The following LRRC9 variants were observed in gnomAD, a reference collection of about 807,000 sequenced individuals.
The protein encoded by LRRC9 is leucine-rich repeat-containing protein 9.
LRRC9 carries 122 observed loss-of-function variants against 63.2 expected under a neutral mutation model. The ratio of observed to expected loss-of-function variants is 1.93; its 90% CI spans 1.67 to 2.24. The LOEUF is 2.24. Ranked by LOEUF, LRRC9 falls within the 30% of genes most tolerant of loss-of-function variation. The pLI, the probability that LRRC9 is intolerant of heterozygous loss-of-function variation, is 0.00. For missense variants in LRRC9, 1,071 were observed against 627.7 expected, an observed-to-expected ratio of 1.71 and a Z score of -7.55; for synonymous variants, 366 against 213.1, an observed-to-expected ratio of 1.72 and a Z score of -6.25.
chr14:59,922,278 G>C lies in LRRC9; in HGVS notation c.-34+2395G>C, dbSNP rs76012637. ...GAATCAAAACATGTCCGCTGTCTTTGGCCATTAGAAGGTTATTTTTGACCT... is the reference window on the plus strand; with the variant it reads ...GAATCAAAACATGTCCGCTGTCTTTCGCCATTAGAAGGTTATTTTTGACCT... On this transcript the variant is annotated intron_variant, in intron 1 of 31. Transcript: ENST00000445360. This position sits in a 1 kb window ranked among gnomAD's most constrained non-coding sequence, Gnocchi z 5.3. Among the ~76,000 whole-genome samples the C allele has an allele frequency of 3.4e-3, 512 of 152,228 alleles. 19 individuals are homozygous for C. The East Asian group carries it at 0.058, about 17-fold the overall frequency.
At chr14:60,000,786 T>C (rs956481598) in intron 19 of LRRC9, among the ~76,000 whole-genome samples, 2 of 152,074 alleles carry the variant, frequency 1.3e-5, no homozygotes, top group African/African-American at 2.4e-5. Flanking sequence ...AATTAATATA[T>C]CTTTTTTCAA....
chr14:60,009,776 A>G (rs920374962), intron 23 of LRRC9, among the ~76,000 whole-genome samples: 1 of 152,238 alleles, frequency 6.6e-6, no homozygotes, highest in Non-Finnish European at 1.5e-5. Context: ...ATGGGGGTAC[A>G]GGCATTGGGT....
At chr14:60,036,365 A>G (rs768848495) in intron 29 of LRRC9, among the ~76,000 whole-genome samples, 3 of 152,184 alleles carry the variant, frequency 2.0e-5, no homozygotes, top group Non-Finnish European at 4.4e-5. Flanking sequence ...AGGATCATGC[A>G]TTGCTAAGAG....
At chr14:59,921,857 G>A (rs896121613) in intron 1 of LRRC9, among the ~76,000 whole-genome samples, 4 of 151,856 alleles carry the variant, frequency 2.6e-5, no homozygotes, top group East Asian at 1.9e-4. Flanking sequence ...AAGCCGAGGC[G>A]GGTGGATCAC....
In LRRC9 at chr14:60,042,228, T is replaced by C. The variant is rs1893013465; in HGVS notation, c.3990+10165T>C. On this transcript the variant is annotated intron_variant, in intron 29 of 31. Transcript: ENST00000445360. The surrounding 1 kb of genome is among the most constrained non-coding windows in gnomAD (Gnocchi z 4.2). ...CCACTTGAGGAGGCAGTCTGTCCGT[T>C]CTCAGATCTCAAACTCCATGCTGGG... Among the ~76,000 whole-genome samples, 1 of 152,186 alleles carries C rather than the reference T, an allele frequency of 6.6e-6. No individual in the cohort carries two copies. Among genetic ancestry groups the C allele is most frequent in the Non-Finnish European group, 1.5e-5 (1 of 68,026 alleles).
intron 7 of LRRC9, among the ~76,000 whole-genome samples, chr14:59,941,154 A>C (rs1017841606): frequency 1.3e-5 from 2 of 151,942 alleles, no homozygotes; most frequent in Non-Finnish European, 2.9e-5. Context: ...GTAAAATATC[A>C]TAATTTTTGT....
intron 15 of LRRC9, among the ~76,000 whole-genome samples, chr14:59,980,966 A>T (rs1204056041): frequency 6.6e-6 from 1 of 152,044 alleles, no homozygotes; most frequent in Non-Finnish European, 1.5e-5. Flanking sequence ...TCTCTTCTGG[A>T]AAGTTTGCTT....
chr14:60,041,064 T>C (rs1056809405), intron 29 of LRRC9, among the ~76,000 whole-genome samples: 3 of 151,964 alleles, frequency 2.0e-5, no homozygotes, highest in Non-Finnish European at 4.4e-5. Context: ...AATTGTTTTC[T>C]TTAAGAATGT....
At chr14:60,048,894 G>A (rs1456309505) in intron 29 of LRRC9, among the ~76,000 whole-genome samples, 2 of 152,040 alleles carry the variant, frequency 1.3e-5, no homozygotes, top group African/African-American at 4.8e-5. Context: ...CCTCAATGCT[G>A]GCAAATCAAA....
At chr14:59,996,868 A>G (rs1439009177) in intron 17 of LRRC9, among the ~76,000 whole-genome samples, 5 of 152,184 alleles carry the variant, frequency 3.3e-5, no homozygotes, top group Non-Finnish European at 5.9e-5. Context: ...TTAGAGAATA[A>G]TTCTCACGGA....
At chr14:60,064,256 TAC>T (rs2140484676), downstream of LRRC9, among the ~76,000 whole-genome samples, 1 of 152,346 alleles carries the variant, frequency 6.6e-6, no homozygotes, top group South Asian at 2.1e-4. Flanking sequence ...ATTTGCTTGT[TAC>T]AGTTACTAAA....
chr14:59,997,575 A>G, intron 17 of LRRC9, 81 bp from the exon 18 acceptor site: 1 of 598,900 alleles, frequency 1.7e-6, no homozygotes, highest in East Asian at 2.8e-5. Flanking sequence ...TGTGTAAAGT[A>G]TGTAAAGAAC....
At position 60,057,867 on chromosome 14, in the gene LRRC9, T is replaced by G. The variant is rs1309442676; in HGVS notation, c.4132-11T>G. 1.5e-6 allele frequency: 1 copy of G among 648,872 alleles called. No homozygotes were observed. Among genetic ancestry groups the G allele is most frequent in the Non-Finnish European group, 2.9e-6 (1 of 348,026 alleles). The allele number at this position is 648,872 out of a possible 1,614,324, so 40.2% of individuals were successfully genotyped here. ...ATGAGATGTTATTAACTGTTTTATT[T>G]TATTATGTAGCTTATTCCTGTTACC... On this transcript the variant is annotated splice_polypyrimidine_tract_variant and intron_variant, in intron 30 of 31. Coordinates refer to ENST00000445360, the Ensembl canonical transcript of LRRC9.
At chr14:59,977,476 T>A in intron 14 of LRRC9, 129 bp downstream of exon 14, 1 of 567,442 alleles carries the variant, frequency 1.8e-6, no homozygotes, top group South Asian at 2.3e-5. Flanking sequence ...AATCTGTTAC[T>A]AGCCACTAAT....
In LRRC9 at chr14:59,945,042, T is replaced by C. The variant is rs183774090; in HGVS notation, c.882+298T>C. Among the ~76,000 whole-genome samples the C allele has an allele frequency of 3.2e-3, 481 of 151,984 alleles. 2 individuals carry two copies. Among genetic ancestry groups the C allele is most frequent in the African/African-American group, 0.011 (470 of 41,538 alleles). ...ATTTTGTTTAAAAAAACTGTGTATT[T>C]CAATATGATTTAGAGTGTTACAAAA... On this transcript the variant is annotated intron_variant, in intron 8 of 31. Transcript: ENST00000445360.
intron 10 of LRRC9, among the ~76,000 whole-genome samples, chr14:59,965,790 G>A (rs1179148309): frequency 6.8e-6 from 1 of 147,798 alleles, no homozygotes; most frequent in Non-Finnish European, 1.5e-5. Context: ...AGCTGAGGCA[G>A]GAGAATGGCG....
At chr14:59,981,170 A>T (rs1434439918) in intron 15 of LRRC9, among the ~76,000 whole-genome samples, 8 of 151,990 alleles carry the variant, frequency 5.3e-5, no homozygotes, top group Admixed American at 5.2e-4. Context: ...TGCTAATTTG[A>T]TCTGCTACCA....
chr14:60,044,200 T>G (rs1893214440), intron 29 of LRRC9, among the ~76,000 whole-genome samples: 1 of 152,076 alleles, frequency 6.6e-6, no homozygotes, highest in Non-Finnish European at 1.5e-5. Context: ...TTTTTCTTTC[T>G]TAGCCCAGCT....
chr14:60,039,423 T>G (rs1468871358), intron 29 of LRRC9, among the ~76,000 whole-genome samples: 1 of 152,232 alleles, frequency 6.6e-6, no homozygotes, highest in Non-Finnish European at 1.5e-5. Context: ...GGCTATTAAT[T>G]ATTGCCTCAA....
Sources: allele counts gnomAD v4.1 joint callset (sites outside exome capture counted in the v4.1 genomes callset), GRCh38; gene constraint gnomAD v4.1.1; non-coding constraint Gnocchi (gnomAD v3.1); transcripts MANE v1.5; gene names NCBI Gene and HGNC (gene_info 2026-07-23, HGNC 2026-07-21).